CSMD1: variants seen among roughly 807,000 people sequenced by gnomAD.
CSMD1 encodes CUB and sushi domain-containing protein 1.
A neutral mutation model predicts 417.5 loss-of-function variants in CSMD1; 213 were observed. That is an observed-to-expected ratio of 0.51 (90% CI 0.46 to 0.57). CSMD1 has a LOEUF of 0.57. Among genes scored for constraint, CSMD1 ranks in the 20% least tolerant of loss-of-function variants. CSMD1 has a pLI of 0.00. For synonymous variants in CSMD1, 2,862 were observed against 1,736.8 expected, an observed-to-expected ratio of 1.65 and a Z score of -16.11; for missense variants, 6,923 against 4,529.7, an observed-to-expected ratio of 1.53 and a Z score of -15.17.
intron 1 of CSMD1, among the ~76,000 whole-genome samples, chr8:4,663,833 T>C (rs1804757050): frequency 6.6e-6 from 1 of 152,136 alleles, no homozygotes; most frequent in African/African-American, 2.4e-5. Flanking sequence ...AAATCCAGGA[T>C]CGTCAGACAC....
At chr8:3,292,550 C>G (rs1186482062) in intron 25 of CSMD1, among the ~76,000 whole-genome samples, 2 of 152,176 alleles carry the variant, frequency 1.3e-5, no homozygotes, top group South Asian at 2.1e-4. Flanking sequence ...GCTAGCTTTT[C>G]TTGTTGAATT....
chr8:4,509,409 T>C (rs1157403141), intron 2 of CSMD1, among the ~76,000 whole-genome samples: 4 of 152,146 alleles, frequency 2.6e-5, no homozygotes, highest in African/African-American at 9.7e-5. Context: ...GGGAATCAGA[T>C]GTATTGAAAT....
At chr8:3,992,688 G>A (rs911594248) in intron 5 of CSMD1, among the ~76,000 whole-genome samples, 2 of 152,206 alleles carry the variant, frequency 1.3e-5, no homozygotes, top group Non-Finnish European at 2.9e-5. Context: ...TGCTAAGGTG[G>A]AAGGATGGCT....
At chr8:4,516,806 T>G (rs1466170081) in intron 2 of CSMD1, among the ~76,000 whole-genome samples, 1 of 152,142 alleles carries the variant, frequency 6.6e-6, no homozygotes, top group Non-Finnish European at 1.5e-5. Flanking sequence ...CCAGGAGGTA[T>G]TTATTAAATA....
chr8:3,259,262 A>G (rs777655176), intron 26 of CSMD1, among the ~76,000 whole-genome samples: 1 of 152,236 alleles, frequency 6.6e-6, no homozygotes, highest in Non-Finnish European at 1.5e-5. Flanking sequence ...AGAATGGAAG[A>G]CGTATGCATT....
chr8:4,101,899 C>G (rs531809391), intron 3 of CSMD1, among the ~76,000 whole-genome samples: 1 of 152,128 alleles, frequency 6.6e-6, no homozygotes, highest in South Asian at 2.1e-4. Flanking sequence ...TACTATCTCT[C>G]CTAATAATGT....
At chr8:4,779,680 C>G (rs142359190) in intron 1 of CSMD1, among the ~76,000 whole-genome samples, 58 of 152,264 alleles carry the variant, frequency 3.8e-4, no homozygotes, top group African/African-American at 1.3e-3. Context: ...TCCATTGCAA[C>G]ATTTCATCAC....
intron 7 of CSMD1, among the ~76,000 whole-genome samples, chr8:3,646,696 T>C (rs1011580332): frequency 6.6e-6 from 1 of 152,258 alleles, no homozygotes; most frequent in East Asian, 1.9e-4. Context: ...TCATTAGCCC[T>C]CCTTCTAAAC....
intron 3 of CSMD1, among the ~76,000 whole-genome samples, chr8:4,362,556 T>C (rs1419635877): frequency 6.6e-6 from 1 of 152,184 alleles, no homozygotes; most frequent in Admixed American, 6.5e-5. Context: ...TTGTGGGAAG[T>C]GGATAATATA....
rs375210569 is a variant in CSMD1, at chr8:3,547,574, A to G, written c.1344+27371T>C. On this transcript the variant is annotated intron_variant, in intron 10 of 69. Coordinates refer to ENST00000635120, the MANE Select transcript of CSMD1 (RefSeq NM_033225.6). Reference sequence around the variant, plus strand: ...CATACAAAATTGAGTTTTAGGCTTTATTTTTATTTACATTGCTTTACTATT... The same window carrying G: ...CATACAAAATTGAGTTTTAGGCTTTGTTTTTATTTACATTGCTTTACTATT... Among the ~76,000 whole-genome samples the G allele has an allele frequency of 2.2e-4, 34 of 152,262 alleles. No individual in the cohort carries two copies. In the East Asian group the frequency reaches 4.6e-3, roughly 21 times the overall value.
At chr8:4,331,173 A>G (rs1471420179) in intron 3 of CSMD1, among the ~76,000 whole-genome samples, 1 of 152,194 alleles carries the variant, frequency 6.6e-6, no homozygotes, top group Admixed American at 6.5e-5. Flanking sequence ...CCTGATAAGA[A>G]TAAACCAGAA....
chr8:3,021,596 C>A (rs1282869990), intron 51 of CSMD1, among the ~76,000 whole-genome samples: 1 of 152,202 alleles, frequency 6.6e-6, no homozygotes, highest in African/African-American at 2.4e-5. Flanking sequence ...CAAGTCTTTG[C>A]ACAAAAAAGA....
chr8:3,017,798 G>C (rs1392441395), intron 52 of CSMD1, among the ~76,000 whole-genome samples: 1 of 114,176 alleles, frequency 8.8e-6, no homozygotes, highest in African/African-American at 3.4e-5. Flanking sequence ...CTATGGCTTT[G>C]AGTGATTTAA....
intron 5 of CSMD1, among the ~76,000 whole-genome samples, chr8:3,970,223 G>A (rs895504407): frequency 2.6e-5 from 4 of 152,140 alleles, no homozygotes; most frequent in African/African-American, 9.7e-5. Context: ...TGCATGCCCA[G>A]AAGCACCTCC....
At chr8:3,874,992 G>C (rs1237149773) in intron 5 of CSMD1, among the ~76,000 whole-genome samples, 2 of 151,774 alleles carry the variant, frequency 1.3e-5, no homozygotes, top group African/African-American at 2.4e-5. Flanking sequence ...TGGACGTCTG[G>C]CTGCATCATC....
chr8:3,555,189 G>C (rs1799090444), intron 10 of CSMD1, among the ~76,000 whole-genome samples: 1 of 152,066 alleles, frequency 6.6e-6, no homozygotes, highest in South Asian at 2.1e-4. Context: ...TGTCTGGGAG[G>C]TGTAGGGAAA....
At chr8:3,406,599 G>T (rs1349019356) in intron 14 of CSMD1, among the ~76,000 whole-genome samples, 1 of 152,050 alleles carries the variant, frequency 6.6e-6, no homozygotes, top group Non-Finnish European at 1.5e-5. Flanking sequence ...CTGACATTGG[G>T]CATATGACTC....
At chr8:3,436,388 G>A (rs1205324949) in intron 12 of CSMD1, among the ~76,000 whole-genome samples, 1 of 152,120 alleles carries the variant, frequency 6.6e-6, no homozygotes, top group Non-Finnish European at 1.5e-5. Context: ...AAAACTGTCT[G>A]ATTAGAATGT....
chr8:3,605,056 G>A (rs959310152), intron 8 of CSMD1, among the ~76,000 whole-genome samples: 1 of 152,166 alleles, frequency 6.6e-6, no homozygotes, highest in Non-Finnish European at 1.5e-5. Context: ...GTGCAGTGGT[G>A]CCATCTCGGC....
Sources: gnomAD v4.1 joint callset for allele counts (sites outside exome capture counted in the v4.1 genomes callset) on GRCh38, gnomAD v4.1.1 for gene constraint, MANE v1.5 for transcripts, NCBI Gene and HGNC (gene_info 2026-07-23, HGNC 2026-07-21) for gene names.